Variants in XRCC5 observed in about 807,000 individuals in gnomAD.
The protein encoded by XRCC5 is DNA repair protein Ku80.
In XRCC5, 12 loss-of-function variants were observed where a neutral mutation model predicts 95.7. The observed-to-expected ratio is 0.13, with a 90% CI of 0.08 to 0.20. The LOEUF (loss-of-function observed/expected upper bound fraction) is 0.20, where lower values mean the gene tolerates loss of function less well. Among genes scored for constraint, XRCC5 ranks in the 10% least tolerant of loss-of-function variants. The pLI is 1.00. For missense variants in XRCC5, 595 were observed against 873.9 expected (o/e 0.68, Z 4.02); for synonymous variants, 281 against 290.3 (o/e 0.97, Z 0.33).
intron 2 of XRCC5, among the ~76,000 whole-genome samples, chr2:216,116,186 G>A (rs1044765873): frequency 6.6e-6 from 1 of 152,036 alleles, no homozygotes; most frequent in Non-Finnish European, 1.5e-5. Context: ...GTGCTGAAGT[G>A]TAAACTTCCT....
intron 10 of XRCC5, among the ~76,000 whole-genome samples, chr2:216,132,769 C>G (rs1030374930): frequency 6.6e-6 from 1 of 152,052 alleles, no homozygotes; most frequent in East Asian, 1.9e-4. Flanking sequence ...TTTCTCTATT[C>G]CTCTCTCTTG....
At chr2:216,178,495 G>T (rs1038866005) in intron 16 of XRCC5, among the ~76,000 whole-genome samples, 2 of 138,834 alleles carry the variant, frequency 1.4e-5, no homozygotes, top group African/African-American at 4.9e-5. Context: ...AGTACATTTT[G>T]GGAGAACCCT....
intron 16 of XRCC5, among the ~76,000 whole-genome samples, chr2:216,171,417 A>G (rs757682539): frequency 6.6e-6 from 1 of 152,384 alleles, no homozygotes; most frequent in South Asian, 2.1e-4. Flanking sequence ...GGAGAATATT[A>G]CCAGCTTAGA....
intron 3 of XRCC5, 132 bp downstream of exon 3, chr2:216,116,974 T>A: frequency 1.1e-6 from 1 of 933,434 alleles, no homozygotes; most frequent in Non-Finnish European, 1.6e-6. Flanking sequence ...GAGGGGGAGG[T>A]AATGTGTTAA....
intron 8 of XRCC5, among the ~76,000 whole-genome samples, chr2:216,130,077 T>C (rs1488275926): frequency 6.6e-6 from 1 of 152,148 alleles, no homozygotes; most frequent in East Asian, 1.9e-4. Context: ...GAAAGTTTTA[T>C]TGTGTCTTGG....
chr2:216,160,174 T>C lies in XRCC5; in HGVS notation c.1764+13T>C. ...CAGTGTCACCTCTGTAAGCTAAGCT[T>C]TTCAAGTGCGCTTCCCCCTTTGCAG... On this transcript the variant is annotated intron_variant, in intron 15 of 20. Coordinates refer to ENST00000392132, the MANE Select transcript of XRCC5 (RefSeq NM_021141.4). The C allele has an allele frequency of 1.3e-5, 21 of 1,571,832 alleles. No individual in the cohort carries two copies. Among genetic ancestry groups the C allele is most frequent in the Non-Finnish European group, 1.8e-5 (21 of 1,154,996 alleles).
Position 216,205,367 on chromosome 2 carries a change from C to A in XRCC5, c.*165C>A. 1 of 736,696 alleles carries A rather than the reference C, an allele frequency of 1.4e-6. No homozygotes were observed. The highest frequency in any genetic ancestry group is 2.4e-6 in the Non-Finnish European group (1 of 416,090). 45.6% of individuals were successfully genotyped at this position (736,696 alleles called of 1,614,324 possible). ...TAATTCTCTGTGGAATGAATACACA[C>A]ATATATATTACAAGGGATAATTTAG... On this transcript the variant is annotated 3_prime_UTR_variant, in exon 21 of 21. Transcript: ENST00000392132.
Position 216,130,967 on chromosome 2 carries a change from G to C in XRCC5, c.1030G>C (p.Gly344Arg). 6.2e-7 allele frequency: 1 copy of C among 1,612,832 alleles called. No individual in the cohort carries two copies. Among genetic ancestry groups the C allele is most frequent in the Non-Finnish European group, 8.5e-7 (1 of 1,179,388 alleles). Residue 344 changes from glycine to arginine, a missense_variant, in exon 9 of 21, where the codon GGA becomes CGA. This residue lies in a region of XRCC5 where 286 missense variants were observed against 491.1 expected (regional missense o/e 0.58). Transcript: ENST00000392132. Reference protein sequence around the residue: ...KSEGKCFSVLGFCKSSQVQRR... With the variant: ...KSEGKCFSVLRFCKSSQVQRR... The stretch of plus-strand genomic sequence containing the variant: ...GGAGGGGAAGTGCTTCTCTGTTTTG[G>C]GATTTTGTAAATCTTCTCAGGTATG...
intron 14 of XRCC5, chr2:216,156,643 A>G: frequency 3.6e-6 from 2 of 556,516 alleles, no homozygotes; most frequent in Admixed American, 3.8e-5. Context: ...ACATATAGTG[A>G]CCCCAAATGC....
Position 216,172,517 on chromosome 2 carries a change from G to A in XRCC5, c.1834+10469G>A, listed in dbSNP as rs1237415789. Among the ~76,000 whole-genome samples, 4 of 124,956 alleles carry A rather than the reference G, an allele frequency of 3.2e-5. No individual in the cohort carries two copies. The East Asian group carries it at 6.7e-4, about 21-fold the overall frequency. 82.0% of individuals were successfully genotyped at this position (124,956 alleles called of 152,430 possible). On this transcript the variant is annotated intron_variant, in intron 16 of 20. Coordinates refer to ENST00000392132, the MANE Select transcript of XRCC5 (RefSeq NM_021141.4). ...AAAGTCTCACTCTGTCACCCAGGCT[G>A]GAGCACAGTGGTGCGATCCTAGCTC... is the stretch of plus-strand genomic sequence containing the variant.
intron 16 of XRCC5, among the ~76,000 whole-genome samples, chr2:216,167,010 G>A (rs1028700982): frequency 2.0e-5 from 3 of 152,092 alleles, no homozygotes; most frequent in Non-Finnish European, 4.4e-5. Flanking sequence ...TCTGTATTAG[G>A]CTTGTGTGTA....
intron 14 of XRCC5, among the ~76,000 whole-genome samples, chr2:216,157,379 G>A (rs912294758): frequency 1.3e-5 from 2 of 151,938 alleles, no homozygotes; most frequent in East Asian, 3.9e-4. Context: ...GACTACAGGT[G>A]CCCGCCACCA....
intron 19 of XRCC5, among the ~76,000 whole-genome samples, chr2:216,203,723 GA>G (rs1689887800): frequency 6.6e-6 from 1 of 152,000 alleles, no homozygotes; most frequent in Non-Finnish European, 1.5e-5. Context: ...CAAATTGAAA[GA>G]TTTCCATAAA....
chr2:216,187,132 A>G (rs1689508047), intron 16 of XRCC5, among the ~76,000 whole-genome samples: 1 of 152,224 alleles, frequency 6.6e-6, no homozygotes, highest in Non-Finnish European at 1.5e-5. Context: ...GTAACTGAGT[A>G]TTCCTAGAAG....
intron 9 of XRCC5, among the ~76,000 whole-genome samples, chr2:216,131,366 C>T (rs1574458430): frequency 6.6e-6 from 1 of 152,172 alleles, no homozygotes; most frequent in South Asian, 2.1e-4. Flanking sequence ...CATAAAAATG[C>T]ATGAGAAACA....
chr2:216,112,969 T>C, intron 1 of XRCC5, 47 bp from the exon 2 acceptor site: 1 of 1,464,376 alleles, frequency 6.8e-7, no homozygotes, highest in South Asian at 1.2e-5. Flanking sequence ...TTACAGTCTT[T>C]TCTTACGACT....
chr2:216,115,568 C>G (rs1696680916), intron 2 of XRCC5, among the ~76,000 whole-genome samples: 1 of 152,208 alleles, frequency 6.6e-6, no homozygotes, highest in South Asian at 2.1e-4. Flanking sequence ...AAGGATTAAA[C>G]AGACCCTACA....
Position 216,205,364 on chromosome 2 carries a change from A to T in XRCC5, c.*162A>T. The stretch of plus-strand genomic sequence containing the variant: ...ATCTAATTCTCTGTGGAATGAATAC[A>T]CACATATATATTACAAGGGATAATT... On this transcript the variant is annotated 3_prime_UTR_variant, in exon 21 of 21. Coordinates refer to ENST00000392132, the MANE Select transcript of XRCC5 (RefSeq NM_021141.4). 1 of 751,432 alleles carries T rather than the reference A, an allele frequency of 1.3e-6. No homozygotes were observed. The highest frequency in any genetic ancestry group is 2.4e-6 in the Non-Finnish European group (1 of 424,168). The allele number at this position is 751,432 out of a possible 1,614,324, so 46.5% of individuals were successfully genotyped here. A position where few individuals can be genotyped will look rare whatever the true frequency, so the allele number is the denominator to read the frequency against.
intron 13 of XRCC5, among the ~76,000 whole-genome samples, chr2:216,147,424 G>A (rs1688656212): frequency 6.6e-6 from 1 of 152,190 alleles, no homozygotes; most frequent in South Asian, 2.1e-4. Flanking sequence ...CAGTCAGACA[G>A]TGGAAAGAGA....
Sources: gnomAD v4.1 joint callset for allele counts (sites outside exome capture counted in the v4.1 genomes callset) on GRCh38, gnomAD v4.1.1 for gene constraint, gnomAD v4.1.1 regional missense constraint, MANE v1.5 for transcripts, NCBI Gene and HGNC (gene_info 2026-07-23, HGNC 2026-07-21) for gene names.